The following ATXN8OS variants were observed in gnomAD, a reference collection of about 807,000 sequenced individuals.
The protein encoded by ATXN8OS is ATXN8 opposite strand lncRNA, also known as ATXN8 opposite strand (non-protein coding).
chr13:70,157,777 G>C (rs1284111002), intron 4 of ATXN8OS, among the ~76,000 whole-genome samples: 2 of 152,202 alleles, frequency 1.3e-5, no homozygotes, highest in Middle Eastern at 3.4e-3. Context: ...GACTCCAACT[G>C]GCCTAACTTA....
intron 3 of ATXN8OS, among the ~76,000 whole-genome samples, chr13:70,142,495 G>A (rs1158577343): frequency 6.6e-6 from 1 of 152,162 alleles, no homozygotes; most frequent in Non-Finnish European, 1.5e-5. Flanking sequence ...CTATGTTTTA[G>A]CAATTGTGTA....
chr13:70,140,420 C>T (rs1225516032), intron 3 of ATXN8OS, among the ~76,000 whole-genome samples: 2 of 151,440 alleles, frequency 1.3e-5, no homozygotes, highest in Admixed American at 1.3e-4. Flanking sequence ...TCTGTATATG[C>T]ACTGAGTTAT....
At chr13:70,130,739 T>C (rs748822962) in intron 3 of ATXN8OS, 40 of 398,390 alleles carry the variant, frequency 1.0e-4, no homozygotes, top group Non-Finnish European at 1.5e-4. Flanking sequence ...AATCCAAGAC[T>C]ATTTACGACA....
chr13:70,163,638 G>A (rs1288723534), intron 4 of ATXN8OS, among the ~76,000 whole-genome samples: 1 of 151,920 alleles, frequency 6.6e-6, no homozygotes, highest in Non-Finnish European at 1.5e-5. Flanking sequence ...AAATGGAGTT[G>A]CTTAAAAAGT....
At chr13:70,118,269 T>G (rs1292093419) in intron 2 of ATXN8OS, among the ~76,000 whole-genome samples, 3 of 152,084 alleles carry the variant, frequency 2.0e-5, no homozygotes, top group African/African-American at 7.2e-5. Flanking sequence ...TGTAAGGAAC[T>G]TAACAGAAAT....
At chr13:70,138,399 G>GTA (rs370905605) in intron 3 of ATXN8OS, among the ~76,000 whole-genome samples, 2 of 151,114 alleles carry the variant, frequency 1.3e-5, no homozygotes, top group Non-Finnish European at 3.0e-5. Context: ...TATCAAATTT[G>GTA]TTAATTTTAT....
chr13:70,157,569 A>G (rs1888953506), intron 4 of ATXN8OS, among the ~76,000 whole-genome samples: 1 of 152,024 alleles, frequency 6.6e-6, no homozygotes, highest in South Asian at 2.1e-4. Flanking sequence ...AAAAAAACAA[A>G]AACACTCTTA....
chr13:70,129,684 A>G, intron 2 of ATXN8OS: 1 of 397,174 alleles, frequency 2.5e-6, no homozygotes. Context: ...TGTTCTTATA[A>G]GTAGAATTAC....
At chr13:70,149,064 T>C (rs1448877838) in intron 4 of ATXN8OS, among the ~76,000 whole-genome samples, 2 of 152,170 alleles carry the variant, frequency 1.3e-5, no homozygotes, top group Non-Finnish European at 2.9e-5. Context: ...TAGTTTTTGG[T>C]CTGAATTAGA....
intron 4 of ATXN8OS, among the ~76,000 whole-genome samples, chr13:70,163,142 A>T (rs1395568215): frequency 4.6e-5 from 7 of 152,120 alleles, no homozygotes; most frequent in African/African-American, 1.4e-4. Context: ...AAATCCTGAT[A>T]GTAATTACAA....
intron 4 of ATXN8OS, among the ~76,000 whole-genome samples, chr13:70,166,730 G>A (rs1593779995): frequency 6.6e-6 from 1 of 152,064 alleles, no homozygotes. Flanking sequence ...GAGTGAAAAG[G>A]CAACCTACAC....
intron 4 of ATXN8OS, among the ~76,000 whole-genome samples, chr13:70,161,864 A>G (rs995039844): frequency 3.9e-5 from 6 of 152,096 alleles, no homozygotes; most frequent in Non-Finnish European, 8.8e-5. Flanking sequence ...ATTGACATCA[A>G]TTTTTACAAA....
At chr13:70,129,390 T>C (rs1172813920) in intron 2 of ATXN8OS, among the ~76,000 whole-genome samples, 1 of 151,916 alleles carries the variant, frequency 6.6e-6, no homozygotes, top group Non-Finnish European at 1.5e-5. Context: ...TGTGTGTGTG[T>C]GTGTGTGTGT....
chr13:70,140,531 C>CAAAAAAA (rs745942489), intron 3 of ATXN8OS, among the ~76,000 whole-genome samples: 2 of 22,984 alleles, frequency 8.7e-5, no homozygotes, highest in African/African-American at 2.0e-4. Flanking sequence ...CACACACACA[C>CAAAAAAA]ACAAAAAAAA....
intron 2 of ATXN8OS, among the ~76,000 whole-genome samples, chr13:70,126,576 G>A (rs958116786): frequency 4.0e-5 from 6 of 150,470 alleles, no homozygotes; most frequent in African/African-American, 9.8e-5. Flanking sequence ...TAAATAGATC[G>A]ATGTAAACTA....
chr13:70,107,612 C>T (rs147322205), upstream of ATXN8OS: 89 of 1,589,248 alleles, frequency 5.6e-5, no homozygotes, highest in Non-Finnish European at 7.3e-5. Flanking sequence ...GCCGGGCCGC[C>T]GGTGGAAGGA....
intron 4 of ATXN8OS, among the ~76,000 whole-genome samples, chr13:70,153,308 C>T (rs1888895019): frequency 6.6e-6 from 1 of 152,080 alleles, no homozygotes; most frequent in Admixed American, 6.5e-5. Context: ...GGTGCAGTGG[C>T]TCACGCCTAT....
Position 70,167,853 on chromosome 13 carries a change from A to T in ATXN8OS, n.574-1900A>T, listed in dbSNP as rs1415643584. Among the ~76,000 whole-genome samples, 3 of 145,036 alleles carry T rather than the reference A, an allele frequency of 2.1e-5. No individual in the cohort carries two copies. The East Asian group carries it at 6.2e-4, about 30-fold the overall frequency. Reference sequence around the variant, plus strand: ...TGGGTTCACGCCATTCTCCCACCTCAGCCTCCCGTGTAGCTTGGACTACAG... The same window carrying T: ...TGGGTTCACGCCATTCTCCCACCTCTGCCTCCCGTGTAGCTTGGACTACAG... On this transcript the variant is annotated intron_variant and non_coding_transcript_variant, in intron 4 of 4. Transcript: ENST00000678624.
chr13:70,115,093 A>C, intron 1 of ATXN8OS: 1 of 397,216 alleles, frequency 2.5e-6, no homozygotes, highest in Non-Finnish European at 4.4e-6. Flanking sequence ...ATAACAGAAC[A>C]CTACATACTG....
Sources: allele counts gnomAD v4.1 joint callset (sites outside exome capture counted in the v4.1 genomes callset), GRCh38; gene constraint gnomAD v4.1.1; transcripts MANE v1.5; gene names NCBI Gene and HGNC (gene_info 2026-07-23, HGNC 2026-07-21).